The following LRRK1 variants were observed in gnomAD, a reference collection of about 807,000 sequenced individuals.
LRRK1 encodes the protein leucine rich repeat kinase 1.
LRRK1 carries 113 observed loss-of-function variants against 209.1 expected under a neutral mutation model. The observed-to-expected ratio is 0.54, with a 90% confidence interval of 0.46 to 0.63. LRRK1 has a LOEUF of 0.63. LRRK1 is among the 30% of genes least tolerant of loss of function. The probability of loss-of-function intolerance (pLI) is 0.00; values close to 1 mark genes in which losing one functional copy is unlikely to be tolerated. For missense variants in LRRK1, 2,284 were observed against 2,632.2 expected, an observed-to-expected ratio of 0.87 and a Z score of 2.89; for synonymous variants, 1,144 against 1,099.7, an observed-to-expected ratio of 1.04 and a Z score of -0.80.
chr15:101,027,415 TG>T lies in LRRK1; in HGVS notation c.2526+35del. 1 of 1,602,700 alleles carries T rather than the reference TG, an allele frequency of 6.2e-7. No individual in the cohort carries two copies. The highest frequency in any genetic ancestry group is 8.5e-7 in the Non-Finnish European group (1 of 1,174,316). ...CTTGCTGGTCCAGTTTAAACCAGTC[TG>T]CCTGCTTCCCATTGTTGGGGGTCCT... On this transcript the variant is annotated intron_variant, in intron 18 of 33. Coordinates refer to ENST00000388948, the MANE Select transcript of LRRK1 (RefSeq NM_024652.6). This position sits in a 1 kb window ranked among gnomAD's most constrained non-coding sequence, Gnocchi z 5.1.
intron 4 of LRRK1, among the ~76,000 whole-genome samples, chr15:100,985,254 AGCCAAAGGCTGACCT>A (rs1363456168): frequency 2.4e-4 from 37 of 152,238 alleles, no homozygotes; most frequent in South Asian, 4.1e-4. Context: ...GCTCCTGAGG[AGCCAAAGGCTGACCT>A]GCCTCTTCTC....
intron 28 of LRRK1, 45 bp from the exon 29 acceptor site, chr15:101,057,945 G>A (rs754111098): frequency 1.7e-5 from 27 of 1,607,792 alleles, no homozygotes; most frequent in African/African-American, 2.7e-5. Context: ...GCACCAATCC[G>A]GTTGTAAGTG....
Position 101,045,965 on chromosome 15 carries a change from C to A in LRRK1, c.2964-16C>A. On this transcript the variant is annotated splice_polypyrimidine_tract_variant and intron_variant, in intron 20 of 33. Transcript: ENST00000388948. ...TTGGGCCCCACTGTTCACCAGTCCC[C>A]CTTGGTGTGTTTCAGCTACCTCCTG... 6.2e-7 allele frequency: 1 copy of A among 1,613,120 alleles called. No individual in the cohort carries two copies. The highest frequency in any genetic ancestry group is 1.1e-5 in the South Asian group (1 of 91,030).
intron 2 of LRRK1, among the ~76,000 whole-genome samples, chr15:100,926,873 C>T (rs553667835): frequency 3.8e-4 from 57 of 151,832 alleles, no homozygotes; most frequent in Non-Finnish European, 7.5e-4. Context: ...TTAGTAGAGA[C>T]GAAGTTTCAC....
intron 2 of LRRK1, among the ~76,000 whole-genome samples, chr15:100,925,701 A>G (rs2042097324): frequency 1.3e-5 from 2 of 152,258 alleles, no homozygotes; most frequent in African/African-American, 2.4e-5. Flanking sequence ...CTACATGTAC[A>G]AAGTTCAGAA....
chr15:100,938,458 A>C (rs1176746439), intron 2 of LRRK1, among the ~76,000 whole-genome samples: 3 of 152,114 alleles, frequency 2.0e-5, no homozygotes, highest in Non-Finnish European at 4.4e-5. Flanking sequence ...CCACTCTTCT[A>C]GCTTTTTGAA....
rs1295578656 is a variant in LRRK1 at position 101,074,971 on chromosome 15, ACT to A, written c.*6124_*6125del. ...TGGAACTCCGGCCCAAGGCTCTCTG[ACT>A]GACTCCTTCCCAGATCTTCTTGGCT... is the stretch of plus-strand genomic sequence containing the variant. On this transcript the variant is annotated 3_prime_UTR_variant, in exon 34 of 34. Coordinates refer to ENST00000388948, the MANE Select transcript of LRRK1 (RefSeq NM_024652.6). The A allele has an allele frequency of 7.8e-6, 1 of 129,018 alleles. No individual in the cohort carries two copies. Among genetic ancestry groups the A allele is most frequent in the African/African-American group, 4.6e-5 (1 of 21,862 alleles). 8.0% of individuals were successfully genotyped at this position (129,018 alleles called of 1,614,324 possible).
intron 13 of LRRK1, among the ~76,000 whole-genome samples, chr15:101,021,402 G>A (rs1041313445): frequency 2.0e-5 from 3 of 152,214 alleles, no homozygotes; most frequent in Non-Finnish European, 2.9e-5. Context: ...ACATCACTTG[G>A]GCTGTGATGA....
At position 101,022,124 on chromosome 15, in the gene LRRK1, G is replaced by A. The variant is rs966797809; in HGVS notation, c.1852+167G>A. ...TTGTCCCTAAAGCAATCGTTACTGA[G>A]GGTCACTATACTGAGAAGGACCAGG... is the stretch of plus-strand genomic sequence containing the variant. On this transcript the variant is annotated intron_variant, in intron 14 of 33. Transcript: ENST00000388948. The surrounding 1 kb of genome is among the most constrained non-coding windows in gnomAD (Gnocchi z 4.0). Among the ~76,000 whole-genome samples, 1 of 152,164 alleles carries A rather than the reference G, an allele frequency of 6.6e-6. No individual in the cohort carries two copies. The highest frequency in any genetic ancestry group is 2.4e-5 in the African/African-American group (1 of 41,422).
At position 101,071,150 on chromosome 15, in the gene LRRK1, G is replaced by A. The variant is rs536296892; in HGVS notation, c.*2302G>A. On this transcript the variant is annotated 3_prime_UTR_variant, in exon 34 of 34. Coordinates refer to ENST00000388948, the MANE Select transcript of LRRK1 (RefSeq NM_024652.6). ...ATTCAGCATGGTCCCTGCAACTTTG[G>A]CCTCTGCCCAGTGACCTCTGGCGGG... 1 of 152,360 alleles carries A rather than the reference G, an allele frequency of 6.6e-6. No homozygotes were observed. Among genetic ancestry groups the A allele is most frequent in the East Asian group, 1.9e-4 (1 of 5,174 alleles). The allele number at this position is 152,360 out of a possible 1,614,324, so 9.4% of individuals were successfully genotyped here.
chr15:100,970,056 T>A (rs995905053), intron 2 of LRRK1, among the ~76,000 whole-genome samples: 1 of 152,076 alleles, frequency 6.6e-6, no homozygotes, highest in Non-Finnish European at 1.5e-5. Context: ...GCTGGGCTAA[T>A]TTTTTGTATT....
In LRRK1 at chr15:101,027,318, C is replaced by T. The variant is rs114809158; in HGVS notation, c.2463C>T (p.His821=). 4.6e-4 allele frequency: 736 copies of T among 1,614,116 alleles called. 3 individuals carry two copies. In the African/African-American group the frequency reaches 7.6e-3, roughly 17 times the overall value. ...GQEGLRQLIF[H]VTCSMKDVGS... ...AAGGGCTGCGACAGCTGATTTTCCA[C>T]GTCACGTGCAGCATGAAGGACGTGG... The change falls in exon 18 of 34, where the codon CAC becomes CAT. Residue 821 remains histidine, a synonymous_variant. Coordinates refer to ENST00000388948, the MANE Select transcript of LRRK1 (RefSeq NM_024652.6). This position sits in a 1 kb window ranked among gnomAD's most constrained non-coding sequence, Gnocchi z 5.1.
At chr15:100,940,677 G>A (rs998314014) in intron 2 of LRRK1, among the ~76,000 whole-genome samples, 7 of 152,146 alleles carry the variant, frequency 4.6e-5, no homozygotes, top group Admixed American at 1.3e-4. Flanking sequence ...ATTCATTCTC[G>A]CTCTGCTAAC....
Position 101,044,525 on chromosome 15 carries a change from C to G in LRRK1, c.2964-1456C>G, listed in dbSNP as rs553981575. Among the ~76,000 whole-genome samples, 211 of 152,366 alleles carry G rather than the reference C, an allele frequency of 1.4e-3. 1 individual carries two copies. Among genetic ancestry groups the G allele is most frequent in the African/African-American group, 4.7e-3 (197 of 41,590 alleles). ...TGAAACCCGGAGCCAGCGGCCTCCA[C>G]TACCTGGAGACCACTGCTTCCCTTG... On this transcript the variant is annotated intron_variant, in intron 20 of 33. Transcript: ENST00000388948.
Position 101,015,359 on chromosome 15 carries a change from CT to C in LRRK1, c.1571del (p.Phe524SerfsTer23). 1 of 1,613,780 alleles carries C rather than the reference CT, an allele frequency of 6.2e-7. No homozygotes were observed. Among genetic ancestry groups the C allele is most frequent in the Admixed American group, 1.7e-5 (1 of 59,972 alleles). On this transcript the variant is annotated frameshift_variant, in exon 12 of 34. Transcript: ENST00000388948. LOFTEE classifies it high-confidence loss of function. Reference sequence around the variant, plus strand: ...ATGGACTGAAAACGAAGCGTATTGCCTTTTTCACCACCAGAGGTCGCCAGCG... The same window carrying C: ...ATGGACTGAAAACGAAGCGTATTGCCTTTTCACCACCAGAGGTCGCCAGCG... ...EDGLKTKRIA[F>X]FTTRGRQRSG...
At chr15:101,020,495 C>T (rs556263189) in intron 12 of LRRK1, among the ~76,000 whole-genome samples, 6 of 151,874 alleles carry the variant, frequency 4.0e-5, no homozygotes, top group African/African-American at 9.7e-5. Flanking sequence ...CTGCCTCAGC[C>T]CCCCCGAGTA....
At chr15:100,967,198 C>A (rs2030519826) in intron 2 of LRRK1, among the ~76,000 whole-genome samples, 1 of 152,204 alleles carries the variant, frequency 6.6e-6, no homozygotes, top group South Asian at 2.1e-4. Flanking sequence ...GGGGCTCTGC[C>A]TGTAAATAAT....
intron 2 of LRRK1, among the ~76,000 whole-genome samples, chr15:100,948,958 T>A (rs961117144): frequency 1.3e-5 from 2 of 151,808 alleles, no homozygotes; most frequent in Non-Finnish European, 2.9e-5. Context: ...AACTTCCACC[T>A]TAAGAAACTA....
chr15:100,937,587 T>G (rs1313565457), intron 2 of LRRK1, among the ~76,000 whole-genome samples: 1 of 152,020 alleles, frequency 6.6e-6, no homozygotes, highest in Non-Finnish European at 1.5e-5. Flanking sequence ...CAGGCTGGAG[T>G]GCAGTGGCGC....
Sources: allele counts gnomAD v4.1 joint callset (sites outside exome capture counted in the v4.1 genomes callset), GRCh38; gene constraint gnomAD v4.1.1; non-coding constraint Gnocchi (gnomAD v3.1); transcripts MANE v1.5; gene names NCBI Gene and HGNC (gene_info 2026-07-23, HGNC 2026-07-21).